The following SLC4A4 variants were observed in gnomAD, a reference collection of about 807,000 sequenced individuals.
The protein encoded by SLC4A4 is electrogenic sodium bicarbonate cotransporter 1.
SLC4A4 carries 27 observed loss-of-function variants against 111.5 expected under a neutral mutation model. The observed-to-expected ratio is 0.24, with a 90% CI of 0.18 to 0.33. The LOEUF (loss-of-function observed/expected upper bound fraction) is 0.33. Among genes scored for constraint, SLC4A4 ranks in the 10% least tolerant of loss-of-function variants. The pLI is 1.00. For synonymous variants in SLC4A4, 443 were observed against 463.4 expected, an observed-to-expected ratio of 0.96 and a Z score of 0.57; for missense variants, 909 against 1,315.5, an observed-to-expected ratio of 0.69 and a Z score of 4.78.
At chr4:71,334,787 G>A (rs763841177) in intron 3 of SLC4A4, among the ~76,000 whole-genome samples, 1 of 152,186 alleles carries the variant, frequency 6.6e-6, no homozygotes. Context: ...CTGAGTTGCT[G>A]TCTAATGAGT....
intron 2 of SLC4A4, among the ~76,000 whole-genome samples, chr4:71,166,166 T>C (rs1022451773): frequency 6.6e-6 from 1 of 152,214 alleles, no homozygotes; most frequent in Non-Finnish European, 1.5e-5. Context: ...AAAACTGCTA[T>C]CTTGGGAAAT....
intron 2 of SLC4A4, among the ~76,000 whole-genome samples, chr4:71,152,138 C>T (rs547626679): frequency 3.5e-4 from 53 of 152,062 alleles, no homozygotes; most frequent in Non-Finnish European, 5.6e-4. Flanking sequence ...ACATTCTTAT[C>T]AGCTAGCTAA....
intron 1 of SLC4A4, among the ~76,000 whole-genome samples, chr4:71,231,226 C>T (rs755210761): frequency 3.9e-5 from 6 of 152,306 alleles, no homozygotes; most frequent in East Asian, 1.9e-4. Flanking sequence ...CGGCCTGCCA[C>T]GTGCTGACTG....
At chr4:71,284,271 T>C (rs1723741358) in intron 3 of SLC4A4, among the ~76,000 whole-genome samples, 1 of 152,220 alleles carries the variant, frequency 6.6e-6, no homozygotes, top group Non-Finnish European at 1.5e-5. Context: ...TAAAAGGAGT[T>C]TAAAGTCCAG....
intron 1 of SLC4A4, among the ~76,000 whole-genome samples, chr4:71,234,701 C>T (rs1015368943): frequency 2.6e-5 from 4 of 152,136 alleles, no homozygotes; most frequent in Non-Finnish European, 4.4e-5. Flanking sequence ...TTACAGGTGC[C>T]GGGATTACAG....
chr4:71,500,586 C>T (rs1158312832), intron 16 of SLC4A4, among the ~76,000 whole-genome samples: 1 of 152,104 alleles, frequency 6.6e-6, no homozygotes, highest in African/African-American at 2.4e-5. Flanking sequence ...TCCCAAAGTG[C>T]CGGGATTACA....
At chr4:71,353,207 C>A (rs143947761) in intron 5 of SLC4A4, among the ~76,000 whole-genome samples, 1 of 152,050 alleles carries the variant, frequency 6.6e-6, no homozygotes, top group East Asian at 1.9e-4. Flanking sequence ...TTTCTCTAAC[C>A]TCCATGCATT....
chr4:71,076,202 A>T (rs1269597707), intron 1 of SLC4A4, among the ~76,000 whole-genome samples: 1 of 152,082 alleles, frequency 6.6e-6, no homozygotes, highest in African/African-American at 2.4e-5. Context: ...TAGTCCCGAG[A>T]ATGTTATCTG....
chr4:71,306,200 C>T (rs1001352591), intron 3 of SLC4A4, among the ~76,000 whole-genome samples: 7 of 152,166 alleles, frequency 4.6e-5, no homozygotes, highest in African/African-American at 1.7e-4. Flanking sequence ...GTCAGACTTC[C>T]TGGTTTCAGT....
intron 4 of SLC4A4, among the ~76,000 whole-genome samples, chr4:71,340,612 A>C (rs2148890863): frequency 6.6e-6 from 1 of 152,222 alleles, no homozygotes; most frequent in Non-Finnish European, 1.5e-5. Flanking sequence ...ATAAACCTGT[A>C]ATCTTTTAAA....
chr4:71,102,366 A>G (rs1328241767), intron 2 of SLC4A4, among the ~76,000 whole-genome samples: 1 of 150,512 alleles, frequency 6.6e-6, no homozygotes. Context: ...TATCCAGGAG[A>G]ACTTCCCCAA....
intron 19 of SLC4A4, among the ~76,000 whole-genome samples, chr4:71,547,250 G>A (rs182111930): frequency 2.6e-5 from 4 of 152,060 alleles, no homozygotes; most frequent in East Asian, 3.9e-4. Context: ...ATTGGAATAT[G>A]GGACAATGTA....
chr4:71,520,258 G>A (rs1467403681), intron 16 of SLC4A4, among the ~76,000 whole-genome samples: 1 of 152,082 alleles, frequency 6.6e-6, no homozygotes, highest in Non-Finnish European at 1.5e-5. Context: ...TTCTCCTTTA[G>A]CTTACACAGT....
intron 23 of SLC4A4, among the ~76,000 whole-genome samples, chr4:71,562,596 T>C (rs2149255559): frequency 6.6e-6 from 1 of 151,872 alleles, no homozygotes; most frequent in African/African-American, 2.4e-5. Flanking sequence ...TTTCTTTCCA[T>C]TTGCTTGGTA....
intron 18 of SLC4A4, among the ~76,000 whole-genome samples, chr4:71,536,496 T>TGTATA (rs1260170333): frequency 2.9e-5 from 1 of 34,854 alleles, no homozygotes; most frequent in African/African-American, 9.7e-5. Flanking sequence ...ATGTATATAT[T>TGTATA]TATTTATTTA....
intron 6 of SLC4A4, among the ~76,000 whole-genome samples, chr4:71,362,439 C>A (rs1730879743): frequency 6.6e-6 from 1 of 152,154 alleles, no homozygotes; most frequent in Admixed American, 6.5e-5. Context: ...TGGTAACTGG[C>A]ACATAGTAAT....
chr4:71,567,198 C>T (rs990548844), intron 25 of SLC4A4, 115 bp downstream of exon 25: 2 of 856,362 alleles, frequency 2.3e-6, no homozygotes, highest in Non-Finnish European at 3.6e-6. Flanking sequence ...TATTATTTAT[C>T]TTAAATAAAT....
chr4:71,496,044 A>C (rs1730376131), intron 15 of SLC4A4, among the ~76,000 whole-genome samples: 1 of 152,108 alleles, frequency 6.6e-6, no homozygotes, highest in Non-Finnish European at 1.5e-5. Flanking sequence ...CATCAGTATA[A>C]GGGCGATCTG....
chr4:71,367,382 A>G (rs962761324), intron 6 of SLC4A4, among the ~76,000 whole-genome samples: 1 of 152,218 alleles, frequency 6.6e-6, no homozygotes, highest in Non-Finnish European at 1.5e-5. Flanking sequence ...CCTTTGTATT[A>G]TCAGCTTCTG....
Sources: allele counts gnomAD v4.1 joint callset (sites outside exome capture counted in the v4.1 genomes callset), GRCh38; gene constraint gnomAD v4.1.1; transcripts MANE v1.5; gene names NCBI Gene and HGNC (gene_info 2026-07-23, HGNC 2026-07-21).